Variants in STRIP1 observed in about 807,000 individuals in gnomAD.
The protein encoded by STRIP1 is striatin-interacting protein 1.
In STRIP1, 63 loss-of-function variants were observed where a neutral mutation model predicts 106.2. The observed-to-expected ratio is 0.59, with a 90% confidence interval of 0.48 to 0.73. The LOEUF is 0.73. Among genes scored for constraint, STRIP1 ranks in the 30% least tolerant of loss-of-function variants. The probability of loss-of-function intolerance (pLI) is 0.00; values close to 1 mark genes in which losing one functional copy is unlikely to be tolerated. For missense variants in STRIP1, 857 were observed against 1,074.8 expected (o/e 0.80, Z 2.83); for synonymous variants, 390 against 413.0 (o/e 0.94, Z 0.67).
chr1:110,043,605 T>A, intron 9 of STRIP1, 34 bp from the exon 10 acceptor site: 1 of 1,585,714 alleles, frequency 6.3e-7, no homozygotes, highest in Non-Finnish European at 8.6e-7. Flanking sequence ...CGTCCTCAGT[T>A]GGCTCTTGTC....
intron 20 of STRIP1, 143 bp downstream of exon 20, chr1:110,052,030 T>A: frequency 2.3e-6 from 2 of 878,490 alleles, no homozygotes; most frequent in Non-Finnish European, 3.5e-6. Flanking sequence ...CCTGCTTTTG[T>A]AGCATCAGGA....
At chr1:110,046,328 C>T (rs1653015681) in intron 12 of STRIP1, among the ~76,000 whole-genome samples, 1 of 151,952 alleles carries the variant, frequency 6.6e-6, no homozygotes, top group South Asian at 2.1e-4. Context: ...GGCAAAATCC[C>T]ATCTCTACTA....
chr1:110,054,008 C>T lies in STRIP1; in HGVS notation c.*96C>T, dbSNP rs575751799. 1.2e-4 allele frequency: 183 copies of T among 1,478,530 alleles called. No individual in the cohort carries two copies. In the East Asian group the frequency reaches 4.0e-3, roughly 33 times the overall value. The allele number at this position is 1,478,530 out of a possible 1,614,324, so 91.6% of individuals were successfully genotyped here. A position where few individuals can be genotyped will look rare whatever the true frequency, so the allele number is the denominator to read the frequency against. ...ATTGCTGCAGTGCTCCCATCCCCCA[C>T]CAGGTGGCAGCACAGCCCCACTGTG... On this transcript the variant is annotated 3_prime_UTR_variant, in exon 21 of 21. Coordinates refer to ENST00000369795, the MANE Select transcript of STRIP1 (RefSeq NM_033088.4).
chr1:110,041,332 A>C, intron 6 of STRIP1: 1 of 520,432 alleles, frequency 1.9e-6, no homozygotes, highest in Admixed American at 3.3e-5. Flanking sequence ...CTTTGACCCT[A>C]CAGCTCGCTA....
chr1:110,033,132 A>G (rs2101758390), upstream of STRIP1, among the ~76,000 whole-genome samples: 2 of 151,926 alleles, frequency 1.3e-5, no homozygotes, highest in African/African-American at 4.8e-5. Flanking sequence ...GCTTCTCCTC[A>G]CTTCTTTCAG....
chr1:110,038,112 A>ATG (rs1491426594), intron 2 of STRIP1, 152 bp downstream of exon 2: 2 of 157,782 alleles, frequency 1.3e-5, no homozygotes, highest in South Asian at 2.1e-4. Context: ...ATATATATAT[A>ATG]TGTATAAAAC....
intron 10 of STRIP1, 79 bp downstream of exon 10, chr1:110,043,935 T>C: frequency 6.8e-6 from 9 of 1,318,664 alleles, no homozygotes; most frequent in Non-Finnish European, 8.7e-6. Flanking sequence ...CTGGCCTGTG[T>C]CACCATGTGT....
intron 9 of STRIP1, 69 bp from the exon 10 acceptor site, chr1:110,043,567 TCTC>T: frequency 7.4e-7 from 1 of 1,344,210 alleles, no homozygotes; most frequent in Non-Finnish European, 1.1e-6. Context: ...ATGTGCTGTG[TCTC>T]CTCTGGCTGC....
intron 1 of STRIP1, 55 bp downstream of exon 1, chr1:110,034,872 C>T: frequency 7.3e-7 from 1 of 1,373,220 alleles, no homozygotes; most frequent in Non-Finnish European, 9.4e-7. Flanking sequence ...CCGGGGGTCC[C>T]GGGCCCGGGG....
rs6694295 is a variant in STRIP1, at chr1:110,051,085, G to A, written c.2061+25G>A. 7,300 of 1,486,774 alleles carry A rather than the reference G, an allele frequency of 4.9e-3. 272 individuals carry two copies. The African/African-American group carries it at 0.088, about 18-fold the overall frequency. The allele number at this position is 1,486,774 out of a possible 1,614,324, so 92.1% of individuals were successfully genotyped here. A position where few individuals can be genotyped will look rare whatever the true frequency, so the allele number is the denominator to read the frequency against. ...GGTAAGTGAGTCAGTGTAGTCAGCA[G>A]GCTTGGAACTTGGAGCTCAAAGAAG... On this transcript the variant is annotated intron_variant, in intron 19 of 20. Coordinates refer to ENST00000369795, the MANE Select transcript of STRIP1 (RefSeq NM_033088.4).
chr1:110,046,530 T>G, intron 12 of STRIP1, 150 bp from the exon 13 acceptor site: 1 of 656,884 alleles, frequency 1.5e-6, no homozygotes, highest in Non-Finnish European at 2.7e-6. Flanking sequence ...TATCTGGGGT[T>G]TGGGATTTTA....
intron 11 of STRIP1, 45 bp from the exon 12 acceptor site, chr1:110,044,970 T>A (rs1447257781): frequency 1.2e-6 from 2 of 1,613,404 alleles, no homozygotes; most frequent in African/African-American, 1.3e-5. Flanking sequence ...GGATCCCAGG[T>A]GATTTGATGT....
chr1:110,049,112 C>G lies in STRIP1; in HGVS notation c.1662C>G (p.Pro554=). The change falls in exon 16 of 21, where the codon CCC becomes CCG. Residue 554 remains proline (P), a splice_region_variant and synonymous_variant. Coordinates refer to ENST00000369795, the MANE Select transcript of STRIP1 (RefSeq NM_033088.4). The part of the protein sequence containing the change: ...ILADVLPEEM[P]TTVLQSMKLG... ...CTTACCCAGGCAATTATGTTTCCAGCACCACAGTGTTGCAGAGCATGAAGC... is the reference window on the plus strand; with the variant it reads ...CTTACCCAGGCAATTATGTTTCCAGGACCACAGTGTTGCAGAGCATGAAGC... 1 of 1,614,150 alleles carries G rather than the reference C, an allele frequency of 6.2e-7. No individual in the cohort carries two copies.
At chr1:110,034,600 C>T, upstream of STRIP1, 1 of 1,474,186 alleles carries the variant, frequency 6.8e-7, no homozygotes, top group Non-Finnish European at 8.9e-7. Context: ...ATCACGGCGG[C>T]TGTGCGCGAG....
At chr1:110,049,271 G>T (rs765710729) in intron 16 of STRIP1, 33 bp downstream of exon 16, 6 of 1,613,548 alleles carry the variant, frequency 3.7e-6, no homozygotes, top group Non-Finnish European at 5.1e-6. Flanking sequence ...TGTCCTGTGG[G>T]CTGGGGCCTC....
intron 3 of STRIP1, 198 bp from the exon 4 acceptor site, chr1:110,038,973 TG>T: frequency 1.3e-6 from 1 of 751,008 alleles, no homozygotes; most frequent in South Asian, 1.9e-5. Flanking sequence ...AAAAATCATG[TG>T]ATTAAAATTG....
chr1:110,049,809 G>T, intron 17 of STRIP1: 2 of 443,538 alleles, frequency 4.5e-6, no homozygotes, highest in South Asian at 3.2e-5. Flanking sequence ...CCAGGATCTA[G>T]TACTTTCCTC....
At chr1:110,040,756 G>C in intron 6 of STRIP1, 53 bp downstream of exon 6, 2 of 1,520,224 alleles carry the variant, frequency 1.3e-6, no homozygotes, top group Non-Finnish European at 1.8e-6. Flanking sequence ...GATGAGATCA[G>C]AGCAGGGTGT....
chr1:110,038,579 G>A (rs903813684), intron 2 of STRIP1, 104 bp from the exon 3 acceptor site: 2 of 831,838 alleles, frequency 2.4e-6, no homozygotes, highest in Non-Finnish European at 4.0e-6. Context: ...TGACTCAGGG[G>A]CAGAGTTGAG....
Sources: gnomAD v4.1 joint callset for allele counts (sites outside exome capture counted in the v4.1 genomes callset) on GRCh38, gnomAD v4.1.1 for gene constraint, MANE v1.5 for transcripts, NCBI Gene and HGNC (gene_info 2026-07-23, HGNC 2026-07-21) for gene names.